Variants in HECTD4 observed in about 807,000 individuals in gnomAD.
The protein encoded by HECTD4 is HECT domain E3 ubiquitin protein ligase 4, also known as probable E3 ubiquitin-protein ligase HECTD4.
A neutral mutation model predicts 471.5 loss-of-function variants in HECTD4; 114 were observed. That is an observed-to-expected ratio of 0.24 (90% CI 0.21 to 0.28). The LOEUF is 0.28. HECTD4 is among the 10% of genes least tolerant of loss of function. The pLI, the probability that HECTD4 is intolerant of heterozygous loss-of-function variation, is 1.00. For missense variants in HECTD4, 3,866 were observed against 5,651.5 expected (o/e 0.68, Z 10.13); for synonymous variants, 2,012 against 2,256.0 (o/e 0.89, Z 3.07).
chr12:112,365,897 T>A (rs2036548303), intron 1 of HECTD4, among the ~76,000 whole-genome samples: 1 of 150,110 alleles, frequency 6.7e-6, no homozygotes, highest in South Asian at 2.1e-4. Context: ...CACCTCAGCC[T>A]CCCGAGTACC....
chr12:112,163,588 T>C lies in HECTD4; in HGVS notation c.12851A>G (p.Glu4284Gly), dbSNP rs775441229. The C allele has an allele frequency of 1.3e-6, 2 of 1,518,394 alleles. No homozygotes were observed. Among genetic ancestry groups the C allele is most frequent in the South Asian group, 2.5e-5 (2 of 79,536 alleles). The allele number at this position is 1,518,394 out of a possible 1,614,324, so 94.1% of individuals were successfully genotyped here. A position where few individuals can be genotyped will look rare whatever the true frequency, so the allele number is the denominator to read the frequency against. The change falls in exon 74 of 76, where the codon GAG becomes GGG. Residue 4284 changes from glutamate (E) to glycine (G), a missense_variant. Coordinates refer to ENST00000682272, the MANE Select transcript of HECTD4 (RefSeq NM_001388303.1). The surrounding 1 kb of genome is among the most constrained non-coding windows in gnomAD (Gnocchi z 8.2). ...LLTMLSPLEM[E>G]LRTCGLPYIN... Reference sequence around the variant, plus strand: ...GTAGGGGAGGCCGCAGGTGCGCAGCTCCATCTCCAGTGGGCTGAGCATGGT... The same window carrying C: ...GTAGGGGAGGCCGCAGGTGCGCAGCCCCATCTCCAGTGGGCTGAGCATGGT...
intron 1 of HECTD4, among the ~76,000 whole-genome samples, chr12:112,363,861 A>G (rs1180749363): frequency 1.3e-5 from 2 of 151,868 alleles, no homozygotes; most frequent in Admixed American, 6.6e-5. Context: ...CTGCAATCCT[A>G]GCTACTCAGG....
chr12:112,230,544 C>A, intron 40 of HECTD4, 143 bp downstream of exon 40: 1 of 999,508 alleles, frequency 1.0e-6, no homozygotes, highest in African/African-American at 1.6e-5. Context: ...TACAGTAAAG[C>A]AACTTCCAGG....
chr12:112,327,690 G>A (rs1254109450), intron 1 of HECTD4, among the ~76,000 whole-genome samples: 3 of 152,122 alleles, frequency 2.0e-5, no homozygotes, highest in Non-Finnish European at 2.9e-5. Context: ...TTTTTCACAC[G>A]CAAACGCTAT....
intron 55 of HECTD4, among the ~76,000 whole-genome samples, chr12:112,196,154 C>CTAGG (rs1031850031): frequency 1.8e-4 from 27 of 152,276 alleles, no homozygotes; most frequent in African/African-American, 6.5e-4. Context: ...ACACAAAAAC[C>CTAGG]TAGGCCCCAA....
chr12:112,194,176 C>T lies in HECTD4; in HGVS notation c.8750-502G>A, dbSNP rs765326765. 3.3e-5 allele frequency among the ~76,000 whole-genome samples: 5 copies of T among 152,200 alleles called. No homozygotes were observed. The highest frequency in any genetic ancestry group is 1.9e-4 in the East Asian group (1 of 5,198). On this transcript the variant is annotated intron_variant, in intron 56 of 75. Coordinates refer to ENST00000682272, the MANE Select transcript of HECTD4 (RefSeq NM_001388303.1). The surrounding 1 kb of genome is among the most constrained non-coding windows in gnomAD (Gnocchi z 4.6). The stretch of plus-strand genomic sequence containing the variant: ...CCCAGGCGCTCATATGGACCAGTAG[C>T]GATGTAGTGCACACATACCCTGGCT...
At position 112,319,370 on chromosome 12, in the gene HECTD4, A is replaced by G. The variant is rs2035543473; in HGVS notation, c.550T>C (p.Leu184=). The change falls in exon 2 of 76, where the codon TTG becomes CTG. Residue 184 remains leucine (L), a synonymous_variant. Transcript: ENST00000682272. This position sits in a 1 kb window ranked among gnomAD's most constrained non-coding sequence, Gnocchi z 5.3. ...NCLRDCQPLS[L]TKEPADCLNG... The stretch of plus-strand genomic sequence containing the variant: ...AGACAGTCAGCAGGCTCCTTGGTCA[A>G]GCTCAAAGGCTGGCAGTCACGAAGG... 1 of 1,536,164 alleles carries G rather than the reference A, an allele frequency of 6.5e-7. No homozygotes were observed. Among genetic ancestry groups the G allele is most frequent in the Non-Finnish European group, 8.7e-7 (1 of 1,146,906 alleles).
chr12:112,277,862 AT>A (rs1045104488), intron 9 of HECTD4, among the ~76,000 whole-genome samples: 2 of 151,958 alleles, frequency 1.3e-5, no homozygotes, highest in Non-Finnish European at 2.9e-5. Context: ...TCATCTGCAC[AT>A]TTTTTTTAAT....
intron 1 of HECTD4, among the ~76,000 whole-genome samples, chr12:112,375,989 T>A (rs910785386): frequency 1.7e-4 from 25 of 151,018 alleles, no homozygotes; most frequent in African/African-American, 6.1e-4. Flanking sequence ...GGCAGGAGAA[T>A]CCCTTGAACC....
intron 1 of HECTD4, among the ~76,000 whole-genome samples, chr12:112,327,055 C>T (rs979567761): frequency 2.8e-4 from 42 of 152,196 alleles, no homozygotes; most frequent in African/African-American, 9.4e-4. Flanking sequence ...GGGCCAGGCG[C>T]GGTGGCTCAC....
intron 29 of HECTD4, among the ~76,000 whole-genome samples, chr12:112,246,095 G>A (rs753873458): frequency 1.0e-3 from 154 of 151,636 alleles, no homozygotes; most frequent in African/African-American, 3.6e-3. Context: ...TTGTGCCACC[G>A]CACTCCAGCC....
intron 49 of HECTD4, among the ~76,000 whole-genome samples, chr12:112,211,640 T>G (rs548747130): frequency 6.6e-6 from 1 of 151,824 alleles, no homozygotes; most frequent in African/African-American, 2.4e-5. Flanking sequence ...GCCGGGTTGT[T>G]GATGGAAGAA....
intron 72 of HECTD4, 140 bp from the exon 73 acceptor site, chr12:112,164,415 GC>G (rs914507911): frequency 6.9e-6 from 6 of 871,158 alleles, no homozygotes; most frequent in Middle Eastern, 3.4e-4. Flanking sequence ...CACAGCTTTC[GC>G]CAATCAGAAC....
rs761605418 is a variant in HECTD4, at chr12:112,235,679, G to A, written c.5550C>T (p.Leu1850=). 1 of 1,614,014 alleles carries A rather than the reference G, an allele frequency of 6.2e-7. No homozygotes were observed. Among genetic ancestry groups the A allele is most frequent in the Non-Finnish European group, 8.5e-7 (1 of 1,179,894 alleles). Residue 1850 remains leucine (L), a synonymous_variant, in exon 36 of 76, where the codon CTC becomes CTT. Coordinates refer to ENST00000682272, the MANE Select transcript of HECTD4 (RefSeq NM_001388303.1). The surrounding 1 kb of genome is among the most constrained non-coding windows in gnomAD (Gnocchi z 5.0). ...RPSPKLVLII[L]QLCRAALPLM... ...GGGGCAGCGCCGCCCGGCACAGCTGGAGAATAATAAGGACTAGCTTTGGAG... is the reference window on the plus strand; with the variant it reads ...GGGGCAGCGCCGCCCGGCACAGCTGAAGAATAATAAGGACTAGCTTTGGAG...
intron 1 of HECTD4, among the ~76,000 whole-genome samples, chr12:112,364,224 T>C (rs1053705668): frequency 3.3e-5 from 5 of 150,898 alleles, no homozygotes; most frequent in African/African-American, 4.9e-5. Flanking sequence ...GGCCAACATA[T>C]AGTAAAACCC....
rs557219475 is a variant in HECTD4, at chr12:112,216,359, G to A, written c.7398C>T (p.Ala2466=). The A allele has an allele frequency of 5.2e-6, 8 of 1,552,506 alleles. No homozygotes were observed. In the Admixed American group the frequency reaches 5.9e-5, roughly 11 times the overall value. ...GTCLFHNNGR[A]VHYNGSSLLQ... is the part of the protein sequence containing the mutation. ...ACAAACTGGAGCCATTATAGTGCACGGCTCGGCCGTTGCTATGAAAAATAC... is the reference window on the plus strand; with the variant it reads ...ACAAACTGGAGCCATTATAGTGCACAGCTCGGCCGTTGCTATGAAAAATAC... The change falls in exon 48 of 76, where the codon GCC becomes GCT. Residue 2466 remains alanine, a synonymous_variant. Coordinates refer to ENST00000682272, the MANE Select transcript of HECTD4 (RefSeq NM_001388303.1).
rs777020723 is a variant in HECTD4, at chr12:112,306,046, G to A, written c.1335+18C>T. The A allele has an allele frequency of 8.2e-6, 13 of 1,584,810 alleles. No homozygotes were observed. Among genetic ancestry groups the A allele is most frequent in the Admixed American group, 5.6e-5 (3 of 53,262 alleles). On this transcript the variant is annotated intron_variant, in intron 7 of 75. Transcript: ENST00000682272. ...GAAATGTTTCTGCAAAGATACAAGC[G>A]AGAAAGTTCAAACTTACCACAAGTT...
At chr12:112,171,516 T>A (rs868013230) in intron 67 of HECTD4, among the ~76,000 whole-genome samples, 5 of 152,218 alleles carry the variant, frequency 3.3e-5, no homozygotes, top group Non-Finnish European at 5.9e-5. Flanking sequence ...TCATCTACCT[T>A]CAGGGCCATG....
Position 112,319,276 on chromosome 12 carries a change from T to C in HECTD4, c.644A>G (p.His215Arg), listed in dbSNP as rs1349483257. Residue 215 changes from histidine (H) to arginine (R), a missense_variant, in exon 2 of 76, where the codon CAT becomes CGT. His to Arg is a conservative substitution (Grantham distance 29). This residue lies in a region of HECTD4 where 440 missense variants were observed against 636.0 expected (regional missense o/e 0.69). Transcript: ENST00000682272. The surrounding 1 kb of genome is among the most constrained non-coding windows in gnomAD (Gnocchi z 5.3). Reference sequence around the variant, plus strand: ...AGCAGCAGCATTTTCTTTTTGCTTATGTGGGATGTGTCGGCCTGTGTCAGA... The same window carrying C: ...AGCAGCAGCATTTTCTTTTTGCTTACGTGGGATGTGTCGGCCTGTGTCAGA... ...ETSDTGRHIP[H>R]KQKENAAAAL... 3 of 1,536,072 alleles carry C rather than the reference T, an allele frequency of 2.0e-6. No homozygotes were observed. The highest frequency in any genetic ancestry group is 4.9e-5 in the East Asian group (2 of 40,938).
Sources: allele counts gnomAD v4.1 joint callset (sites outside exome capture counted in the v4.1 genomes callset), GRCh38; gene constraint gnomAD v4.1.1; regional missense constraint gnomAD v4.1.1; non-coding constraint Gnocchi (gnomAD v3.1); transcripts MANE v1.5; gene names NCBI Gene and HGNC (gene_info 2026-07-23, HGNC 2026-07-21).